RBM33: variants seen among roughly 807,000 people sequenced by gnomAD.
The protein encoded by RBM33 is RNA-binding protein 33.
A neutral mutation model predicts 132.6 loss-of-function variants in RBM33; 28 were observed. The observed-to-expected ratio is 0.21, with a 90% CI of 0.16 to 0.29. RBM33 has a LOEUF of 0.29. Ranked by LOEUF, RBM33 falls within the 10% of genes least tolerant of loss-of-function variation. The probability of loss-of-function intolerance (pLI) is 1.00; values close to 1 mark genes in which losing one functional copy is unlikely to be tolerated. For synonymous variants in RBM33, 634 were observed against 593.0 expected, an observed-to-expected ratio of 1.07 and a Z score of -1.01; for missense variants, 1,291 against 1,518.5, an observed-to-expected ratio of 0.85 and a Z score of 2.49.
intron 5 of RBM33, among the ~76,000 whole-genome samples, chr7:155,697,519 TAGTG>T (rs771119645): frequency 5.3e-5 from 8 of 152,158 alleles, no homozygotes; most frequent in Non-Finnish European, 8.8e-5. Context: ...ATTAAAAACT[TAGTG>T]AGCTTTTTGT....
chr7:155,778,871 T>A lies in RBM33; in HGVS notation c.*3830T>A, dbSNP rs1802712296. 1 of 153,118 alleles carries A rather than the reference T, an allele frequency of 6.5e-6. No individual in the cohort carries two copies. Among genetic ancestry groups the A allele is most frequent in the Admixed American group, 6.5e-5 (1 of 15,274 alleles). 9.5% of individuals were successfully genotyped at this position (153,118 alleles called of 1,614,324 possible). A position where few individuals can be genotyped will look rare whatever the true frequency, so the allele number is the denominator to read the frequency against. ...TCGAAGGCAGGTCCTAGTCATGTAA[T>A]TGCACAGGACAAGGAGGTCAGCGTG... On this transcript the variant is annotated 3_prime_UTR_variant, in exon 18 of 18. Transcript: ENST00000401878. The surrounding 1 kb of genome is among the most constrained non-coding windows in gnomAD (Gnocchi z 4.0).
chr7:155,708,929 G>A (rs1417873988), intron 7 of RBM33, among the ~76,000 whole-genome samples: 2 of 151,406 alleles, frequency 1.3e-5, no homozygotes, highest in Non-Finnish European at 2.9e-5. Flanking sequence ...TTTCTCCTTG[G>A]TTGGCTCTTT....
intron 9 of RBM33, among the ~76,000 whole-genome samples, chr7:155,725,589 TA>T (rs1472948920): frequency 1.3e-4 from 20 of 152,148 alleles, no homozygotes; most frequent in Non-Finnish European, 2.9e-5. Flanking sequence ...AAGTTTGCTA[TA>T]GCAGGGCCAG....
At chr7:155,672,972 T>A (rs1798986208) in intron 3 of RBM33, 57 bp downstream of exon 3, 2 of 1,218,782 alleles carry the variant, frequency 1.6e-6, no homozygotes, top group Non-Finnish European at 2.3e-6. Context: ...ATACTTAACA[T>A]ACAGCAGTAA....
chr7:155,726,719 A>T (rs908311221), intron 9 of RBM33, among the ~76,000 whole-genome samples: 10 of 152,230 alleles, frequency 6.6e-5, no homozygotes, highest in African/African-American at 2.4e-4. Flanking sequence ...TAATAAAGAA[A>T]TGATCACATC....
At chr7:155,689,990 T>C (rs988008215) in intron 5 of RBM33, among the ~76,000 whole-genome samples, 9 of 152,234 alleles carry the variant, frequency 5.9e-5, no homozygotes, top group Admixed American at 5.2e-4. Flanking sequence ...TTAGGTCCGC[T>C]TGGTGCAGAG....
chr7:155,680,908 A>T lies in RBM33; in HGVS notation c.567A>T (p.Thr189=). The T allele has an allele frequency of 5.0e-6, 8 of 1,611,234 alleles. No individual in the cohort carries two copies. The highest frequency in any genetic ancestry group is 6.8e-6 in the Non-Finnish European group (8 of 1,178,132). Reference sequence around the variant, plus strand: ...TCAATGAACCTTTAGATGAATTTACAGTGAGTCTTTTCTCCTTTGTATGGC... The same window carrying T: ...TCAATGAACCTTTAGATGAATTTACTGTGAGTCTTTTCTCCTTTGTATGGC... ...IEINEPLDEF[T]GGMETLELQK... is the part of the protein sequence containing the mutation. Residue 189 remains threonine (T), a splice_region_variant and synonymous_variant, in exon 5 of 18, where the codon ACA becomes ACT. Coordinates refer to ENST00000401878, the MANE Select transcript of RBM33 (RefSeq NM_053043.3).
chr7:155,701,315 G>A (rs1563150681), intron 6 of RBM33: 1 of 329,722 alleles, frequency 3.0e-6, no homozygotes, highest in Non-Finnish European at 5.5e-6. Context: ...GGTTGTCAGG[G>A]CGAATTCTGG....
intron 5 of RBM33, among the ~76,000 whole-genome samples, chr7:155,698,569 G>C (rs920905305): frequency 6.6e-6 from 1 of 152,164 alleles, no homozygotes; most frequent in Non-Finnish European, 1.5e-5. Flanking sequence ...TGTCAGGTTA[G>C]TTTCCCTAAT....
chr7:155,761,120 C>T (rs907836592), intron 14 of RBM33, among the ~76,000 whole-genome samples: 35 of 152,212 alleles, frequency 2.3e-4, no homozygotes, highest in Middle Eastern at 3.4e-3. Flanking sequence ...CTTGGTTAAC[C>T]GGGGGGGTGT....
intron 1 of RBM33, among the ~76,000 whole-genome samples, chr7:155,660,935 TTTCTG>T (rs1438544785): frequency 2.0e-5 from 3 of 152,050 alleles, no homozygotes; most frequent in Non-Finnish European, 4.4e-5. Flanking sequence ...CATTTTCTGA[TTTCTG>T]TTCTTTGGAT....
At position 155,745,322 on chromosome 7, in the gene RBM33, T is replaced by A. The variant is rs1801480598; in HGVS notation, c.2699T>A (p.Met900Lys). Residue 900 changes from methionine (M) to lysine (K), a missense_variant, in exon 14 of 18, where the codon ATG becomes AAG. By Grantham distance (95) the Met-to-Lys change is moderately conservative. Around this residue, in one of 7 missense-constraint regions of RBM33, gnomAD observed 841 missense variants for 912.0 expected, o/e 0.92. Transcript: ENST00000401878. The surrounding 1 kb of genome is among the most constrained non-coding windows in gnomAD (Gnocchi z 4.1). Reference sequence around the variant, plus strand: ...AATTTTGTACCATCCAGTGCCAACATGCAGTATCAAGGACAACAGATGAAA... The same window carrying A: ...AATTTTGTACCATCCAGTGCCAACAAGCAGTATCAAGGACAACAGATGAAA... ...TSNFVPSSAN[M>K]QYQGQQMKAL... is the part of the protein sequence containing the mutation. 1.2e-6 allele frequency: 2 copies of A among 1,613,278 alleles called. No homozygotes were observed. The highest frequency in any genetic ancestry group is 1.7e-6 in the Non-Finnish European group (2 of 1,179,552).
chr7:155,677,333 C>T (rs564057138), intron 3 of RBM33, among the ~76,000 whole-genome samples: 157 of 152,012 alleles, frequency 1.0e-3, no homozygotes, highest in Non-Finnish European at 1.9e-4. Context: ...CTCAGCCTCC[C>T]GAGTAGCTGG....
chr7:155,662,441 G>A (rs985213453), intron 1 of RBM33, among the ~76,000 whole-genome samples: 53 of 152,054 alleles, frequency 3.5e-4, no homozygotes, highest in African/African-American at 1.2e-3. Flanking sequence ...CTGTTTTTGG[G>A]AGCACTCTTT....
At position 155,718,454 on chromosome 7, in the gene RBM33, G is replaced by A; in HGVS notation, c.1260+11G>A. 6.2e-7 allele frequency: 1 copy of A among 1,612,346 alleles called. No individual in the cohort carries two copies. The highest frequency in any genetic ancestry group is 1.1e-5 in the South Asian group (1 of 91,030). ...CCCCAGAGATTCCCAGTGAGTAGCA[G>A]CTGCTCCTTCTCCTTTGATAGGGAT... On this transcript the variant is annotated intron_variant, in intron 9 of 17. Coordinates refer to ENST00000401878, the MANE Select transcript of RBM33 (RefSeq NM_053043.3).
At chr7:155,741,322 G>C (rs1277549436) in intron 12 of RBM33, among the ~76,000 whole-genome samples, 1 of 151,322 alleles carries the variant, frequency 6.6e-6, no homozygotes, top group Non-Finnish European at 1.5e-5. Context: ...ATTTCCTCTC[G>C]AGTAAAACGT....
intron 9 of RBM33, among the ~76,000 whole-genome samples, chr7:155,725,956 AG>A (rs1800785198): frequency 6.6e-6 from 1 of 152,226 alleles, no homozygotes; most frequent in Non-Finnish European, 1.5e-5. Context: ...TGAAAGAAAA[AG>A]AAATCTATGG....
At chr7:155,657,406 C>A (rs1409320454) in intron 1 of RBM33, among the ~76,000 whole-genome samples, 1 of 152,140 alleles carries the variant, frequency 6.6e-6, no homozygotes, top group African/African-American at 2.4e-5. Context: ...AGTGAGGAGG[C>A]CAAGGATTAT....
rs61743962 is a variant in RBM33 at position 155,766,714 on chromosome 7, T to C, written c.3375+59T>C. 586 of 1,508,030 alleles carry C rather than the reference T, an allele frequency of 3.9e-4. 4 individuals carry two copies. The African/African-American group carries it at 7.5e-3, about 19-fold the overall frequency. 93.4% of individuals were successfully genotyped at this position (1,508,030 alleles called of 1,614,324 possible). On this transcript the variant is annotated intron_variant, in intron 16 of 17. Coordinates refer to ENST00000401878, the MANE Select transcript of RBM33 (RefSeq NM_053043.3). ...TAGTTGTGTCCCAAGACAAAATCAT[T>C]TCTTGATTTAAAACACAGTGCCCTT...
Sources: allele counts gnomAD v4.1 joint callset (sites outside exome capture counted in the v4.1 genomes callset), GRCh38; gene constraint gnomAD v4.1.1; regional missense constraint gnomAD v4.1.1; non-coding constraint Gnocchi (gnomAD v3.1); transcripts MANE v1.5; gene names NCBI Gene and HGNC (gene_info 2026-07-23, HGNC 2026-07-21).